Variants in TTC21B observed in about 807,000 individuals in gnomAD.
TTC21B encodes the protein tetratricopeptide repeat domain 21B.
A neutral mutation model predicts 175.1 loss-of-function variants in TTC21B; 127 were observed. The observed-to-expected ratio is 0.73, with a 90% CI of 0.63 to 0.84. The LOEUF (loss-of-function observed/expected upper bound fraction) is 0.84. TTC21B is among the 40% of genes least tolerant of loss of function. The probability of loss-of-function intolerance (pLI) is 0.00; values close to 1 mark genes in which losing one functional copy is unlikely to be tolerated. For synonymous variants in TTC21B, 524 were observed against 524.5 expected, an observed-to-expected ratio of 1.00 and a Z score of 0.01; for missense variants, 1,561 against 1,558.3, an observed-to-expected ratio of 1.00 and a Z score of -0.03.
At chr2:165,903,652 T>C (rs1472207484) in intron 19 of TTC21B, among the ~76,000 whole-genome samples, 1 of 152,208 alleles carries the variant, frequency 6.6e-6, no homozygotes, top group African/African-American at 2.4e-5. Context: ...TGCGGAGTTA[T>C]TGGAAAAGTC....
rs559040494 is a variant in TTC21B at position 165,888,592 on chromosome 2, T to G, written c.3264-118A>C. The G allele has an allele frequency of 6.6e-6, 5 of 754,600 alleles. No individual in the cohort carries two copies. In the African/African-American group the frequency reaches 7.0e-5, roughly 11 times the overall value. 46.7% of individuals were successfully genotyped at this position (754,600 alleles called of 1,614,324 possible). On this transcript the variant is annotated intron_variant, in intron 24 of 28. Coordinates refer to ENST00000243344, the MANE Select transcript of TTC21B (RefSeq NM_024753.5). The stretch of plus-strand genomic sequence containing the variant: ...CACTCTTTTATACTCTTTTTGTCAC[T>G]CATTTAAAAGTAATCTTTTGTAAAG...
intron 28 of TTC21B, among the ~76,000 whole-genome samples, chr2:165,875,232 T>C (rs1559033296): frequency 6.6e-6 from 1 of 151,980 alleles, no homozygotes; most frequent in Non-Finnish European, 1.5e-5. Context: ...GAGACATACG[T>C]ATTTCTAGTT....
chr2:165,932,662 AT>A (rs1686956860), intron 7 of TTC21B, among the ~76,000 whole-genome samples: 1 of 152,060 alleles, frequency 6.6e-6, no homozygotes. Flanking sequence ...TACATTACGT[AT>A]CTAGTTACAT....
intron 11 of TTC21B, among the ~76,000 whole-genome samples, chr2:165,928,518 C>A (rs35476054): frequency 1.3e-5 from 2 of 151,886 alleles, no homozygotes. Flanking sequence ...GATTCACACA[C>A]AGAATTCTCA....
chr2:165,893,223 T>C (rs1238515487), intron 22 of TTC21B, among the ~76,000 whole-genome samples: 2 of 152,168 alleles, frequency 1.3e-5, no homozygotes, highest in Non-Finnish European at 2.9e-5. Context: ...ATGAAAAATA[T>C]TTATAAATTA....
chr2:165,929,212 T>C lies in TTC21B; in HGVS notation c.1309A>G (p.Ile437Val). ...GGATTTAGCTTTTCAAAATACTGTATGCCAAGAGGCAAACCTTCTAATTGT... is the reference window on the plus strand; with the variant it reads ...GGATTTAGCTTTTCAAAATACTGTACGCCAAGAGGCAAACCTTCTAATTGT... ...FSQLEGLPLG[I>V]QYFEKLNPDF... The change falls in exon 11 of 29, where the codon ATA (isoleucine) becomes GTA (valine). Residue 437 changes from isoleucine to valine, a missense_variant. Coordinates refer to ENST00000243344, the MANE Select transcript of TTC21B (RefSeq NM_024753.5). The C allele has an allele frequency of 6.2e-7, 1 of 1,613,120 alleles. No homozygotes were observed. The highest frequency in any genetic ancestry group is 8.5e-7 in the Non-Finnish European group (1 of 1,179,386).
intron 18 of TTC21B, among the ~76,000 whole-genome samples, chr2:165,908,092 A>G (rs1450217821): frequency 6.6e-6 from 1 of 152,218 alleles, no homozygotes; most frequent in Non-Finnish European, 1.5e-5. Context: ...AGTGTATAAA[A>G]ATTTGTTTAC....
rs886055027 is a variant in TTC21B at position 165,932,975 on chromosome 2, T to G, written c.793A>C (p.Lys265Gln). The G allele has an allele frequency of 1.2e-6, 2 of 1,612,418 alleles. No homozygotes were observed. Among genetic ancestry groups the G allele is most frequent in the Non-Finnish European group, 1.7e-6 (2 of 1,178,998 alleles). Reference protein sequence around the residue: ...YYVCREGDIEKASTKLENLGN... With the variant: ...YYVCREGDIEQASTKLENLGN... ...TTAAATAATACAATGCCACTTACCT[T>G]CTCTATATCCCCCTCTCTACACACA... The change falls in exon 7 of 29, where the codon AAG (lysine) becomes CAG (glutamine). Residue 265 changes from lysine (K) to glutamine (Q), a missense_variant and splice_region_variant. Lys to Gln is a moderately conservative substitution (Grantham distance 53). Coordinates refer to ENST00000243344, the MANE Select transcript of TTC21B (RefSeq NM_024753.5).
intron 19 of TTC21B, among the ~76,000 whole-genome samples, chr2:165,902,361 A>C (rs1000113518): frequency 1.2e-4 from 19 of 152,328 alleles, no homozygotes; most frequent in Middle Eastern, 3.4e-3. Flanking sequence ...CAAAAATAAA[A>C]TTTATGTTTT....
chr2:165,902,972 A>G (rs938009121), intron 19 of TTC21B, among the ~76,000 whole-genome samples: 19 of 152,228 alleles, frequency 1.2e-4, no homozygotes, highest in African/African-American at 4.1e-4. Flanking sequence ...TCCCAAGGAC[A>G]CAAGTTTCCA....
In TTC21B at chr2:165,918,590, C is replaced by T. The variant is rs530033002; in HGVS notation, c.1674+686G>A. 6.6e-5 allele frequency among the ~76,000 whole-genome samples: 10 copies of T among 152,152 alleles called. No individual in the cohort carries two copies. The South Asian group carries it at 8.3e-4, about 13-fold the overall frequency. ...GATTACAGGCGTGAGCCACCACGCC[C>T]GGCCTTCTGCAAATCTTAATTAGGA... On this transcript the variant is annotated intron_variant, in intron 13 of 28. Coordinates refer to ENST00000243344, the MANE Select transcript of TTC21B (RefSeq NM_024753.5).
chr2:165,924,451 G>A (rs1231615040), intron 12 of TTC21B, 98 bp downstream of exon 12: 7 of 1,148,596 alleles, frequency 6.1e-6, no homozygotes, highest in South Asian at 1.4e-5. Flanking sequence ...TACATTTTAT[G>A]TGACTATTCT....
chr2:165,877,751 A>G (rs912783116), intron 27 of TTC21B, among the ~76,000 whole-genome samples: 2 of 152,120 alleles, frequency 1.3e-5, no homozygotes, highest in Admixed American at 6.6e-5. Flanking sequence ...GTGTATATAT[A>G]TATCTCTACA....
intron 6 of TTC21B, among the ~76,000 whole-genome samples, chr2:165,937,819 A>G (rs1005667186): frequency 7.3e-6 from 1 of 136,490 alleles, no homozygotes; most frequent in African/African-American, 2.6e-5. Flanking sequence ...ACACACACAC[A>G]CACAGTGCCT....
intron 21 of TTC21B, 54 bp downstream of exon 21, chr2:165,899,716 T>A: frequency 8.0e-7 from 1 of 1,251,970 alleles, no homozygotes; most frequent in Admixed American, 1.7e-5. Context: ...GGGGTAAAAT[T>A]TAAAACTTAT....
chr2:165,924,037 G>A (rs922262233), intron 12 of TTC21B, among the ~76,000 whole-genome samples: 2 of 152,076 alleles, frequency 1.3e-5, no homozygotes, highest in African/African-American at 4.8e-5. Flanking sequence ...ACAGGTGTGA[G>A]CCACCGCACC....
intron 24 of TTC21B, among the ~76,000 whole-genome samples, chr2:165,889,365 T>C (rs1057476589): frequency 1.3e-5 from 2 of 152,300 alleles, no homozygotes; most frequent in East Asian, 3.9e-4. Flanking sequence ...ACCCCTTAAA[T>C]GTTAGCAAGC....
chr2:165,891,281 C>T (rs1685183484), intron 22 of TTC21B, among the ~76,000 whole-genome samples: 2 of 152,022 alleles, frequency 1.3e-5, no homozygotes, highest in African/African-American at 4.8e-5. Flanking sequence ...AGAGAAACAG[C>T]CCCTACCTAG....
chr2:165,879,208 CTCTT>C (rs1684765513), intron 27 of TTC21B, among the ~76,000 whole-genome samples: 1 of 152,150 alleles, frequency 6.6e-6, no homozygotes, highest in Admixed American at 6.5e-5. Flanking sequence ...CATTTGGAAT[CTCTT>C]TATTTGCTGA....
Sources: allele counts gnomAD v4.1 joint callset (sites outside exome capture counted in the v4.1 genomes callset), GRCh38; gene constraint gnomAD v4.1.1; transcripts MANE v1.5; gene names NCBI Gene and HGNC (gene_info 2026-07-23, HGNC 2026-07-21).